FARP1: variants seen among roughly 807,000 people sequenced by gnomAD.
FARP1 encodes the protein FERM, ARH/RhoGEF and pleckstrin domain protein 1, also known as FERM, ARHGEF and pleckstrin domain-containing protein 1.
FARP1 carries 52 observed loss-of-function variants against 128.8 expected under a neutral mutation model. The ratio of observed to expected loss-of-function variants is 0.40; its 90% confidence interval spans 0.32 to 0.51. The LOEUF (loss-of-function observed/expected upper bound fraction) is 0.51, where lower values mean the gene tolerates loss of function less well. FARP1 is among the 20% of genes least tolerant of loss of function. The pLI, the probability that FARP1 is intolerant of heterozygous loss-of-function variation, is 0.45. For synonymous variants in FARP1, 580 were observed against 551.8 expected (o/e 1.05, Z -0.72); for missense variants, 1,333 against 1,367.9 (o/e 0.97, Z 0.40).
At chr13:98,344,851 T>G (rs1322514026) in intron 3 of FARP1, among the ~76,000 whole-genome samples, 2 of 152,212 alleles carry the variant, frequency 1.3e-5, no homozygotes, top group Non-Finnish European at 2.9e-5. Context: ...TAGTTTGTAC[T>G]TCAAATCCAA....
At chr13:98,211,314 G>A (rs1341027318) in intron 1 of FARP1, among the ~76,000 whole-genome samples, 1 of 152,220 alleles carries the variant, frequency 6.6e-6, no homozygotes, top group Non-Finnish European at 1.5e-5. Flanking sequence ...GCAAGCATTA[G>A]ATTCTCATAG....
chr13:98,161,296 A>G (rs1367235756), intron 1 of FARP1, among the ~76,000 whole-genome samples: 2 of 149,768 alleles, frequency 1.3e-5, no homozygotes, highest in African/African-American at 4.9e-5. Context: ...GCTCACTGCA[A>G]CCTCCATCTC....
intron 15 of FARP1, 58 bp downstream of exon 15, chr13:98,410,881 C>T: frequency 1.2e-6 from 1 of 859,122 alleles, no homozygotes; most frequent in Admixed American, 2.1e-5. Context: ...AGCTAATACT[C>T]AGCTATACGG....
chr13:98,283,105 G>A (rs1464461851), intron 2 of FARP1, among the ~76,000 whole-genome samples: 2 of 152,236 alleles, frequency 1.3e-5, no homozygotes, highest in African/African-American at 2.4e-5. Context: ...GCACTTGAGC[G>A]AATTTGTCTA....
intron 6 of FARP1, among the ~76,000 whole-genome samples, chr13:98,379,657 G>T (rs1486885559): frequency 6.6e-6 from 1 of 152,088 alleles, no homozygotes; most frequent in Non-Finnish European, 1.5e-5. Context: ...GATATAAAAT[G>T]GTGTCGTATT....
intron 1 of FARP1, among the ~76,000 whole-genome samples, chr13:98,154,684 G>A (rs1876375184): frequency 6.6e-6 from 1 of 152,148 alleles, no homozygotes; most frequent in South Asian, 2.1e-4. Flanking sequence ...GAATATACAG[G>A]GATAATCATT....
Position 98,322,857 on chromosome 13 carries a change from C to CA in FARP1, c.172-20904dup, listed in dbSNP as rs1437107284. ...GTATATACCACGCATACATGCATGT[C>CA]AGCCACACACAGATGATTTGCCTAG... On this transcript the variant is annotated intron_variant, in intron 2 of 26. Coordinates refer to ENST00000319562, the MANE Select transcript of FARP1 (RefSeq NM_005766.4). Among the ~76,000 whole-genome samples, 3 of 152,340 alleles carry CA rather than the reference C, an allele frequency of 2.0e-5. No homozygotes were observed. The East Asian group carries it at 5.8e-4, about 29-fold the overall frequency.
chr13:98,247,152 GA>G (rs1386429232), intron 2 of FARP1, among the ~76,000 whole-genome samples: 1 of 152,228 alleles, frequency 6.6e-6, no homozygotes, highest in Non-Finnish European at 1.5e-5. Context: ...TGAGGCAGAA[GA>G]ATCACTGGAA....
chr13:98,178,576 C>T (rs1332044913), intron 1 of FARP1, among the ~76,000 whole-genome samples: 2 of 152,062 alleles, frequency 1.3e-5, no homozygotes, highest in Non-Finnish European at 2.9e-5. Flanking sequence ...TAAATGGATT[C>T]TAGTTCTTAT....
intron 2 of FARP1, among the ~76,000 whole-genome samples, chr13:98,312,472 G>A (rs140943784): frequency 6.6e-6 from 1 of 152,288 alleles, no homozygotes; most frequent in African/African-American, 2.4e-5. Flanking sequence ...TCATAGCTCA[G>A]TTTGCAAGGT....
At chr13:98,148,373 C>A (rs1323038321) in intron 1 of FARP1, among the ~76,000 whole-genome samples, 2 of 152,066 alleles carry the variant, frequency 1.3e-5, no homozygotes, top group Non-Finnish European at 2.9e-5. Flanking sequence ...AGTGAAACTC[C>A]GTTTCAAGAA....
intron 13 of FARP1, 139 bp downstream of exon 13, chr13:98,395,615 A>C: frequency 5.8e-6 from 6 of 1,032,726 alleles, no homozygotes; most frequent in Non-Finnish European, 8.3e-6. Context: ...TCCCAAACAA[A>C]TGACAATTAT....
rs764594031 is a variant in FARP1 at position 98,176,704 on chromosome 13, C to T, written c.-24+33212C>T. 6.2e-7 allele frequency: 1 copy of T among 1,614,198 alleles called. No homozygotes were observed. The highest frequency in any genetic ancestry group is 8.5e-7 in the Non-Finnish European group (1 of 1,180,030). On this transcript the variant is annotated intron_variant, in intron 1 of 26. Coordinates refer to ENST00000319562, the MANE Select transcript of FARP1 (RefSeq NM_005766.4). The surrounding 1 kb of genome is among the most constrained non-coding windows in gnomAD (Gnocchi z 6.2). ...AGTGGCGCGCAGATGCCCTGGCGCA[C>T]GTATGGGGCCCTTCCTCGCCATCCC... is the stretch of plus-strand genomic sequence containing the variant.
intron 2 of FARP1, among the ~76,000 whole-genome samples, chr13:98,292,788 C>T (rs1438516667): frequency 6.6e-6 from 1 of 152,094 alleles, no homozygotes; most frequent in Non-Finnish European, 1.5e-5. Context: ...TCTTGTTCTA[C>T]AGTGGCATGA....
intron 2 of FARP1, among the ~76,000 whole-genome samples, chr13:98,260,398 T>G (rs1216197990): frequency 5.3e-5 from 8 of 152,352 alleles, no homozygotes; most frequent in Middle Eastern, 3.4e-3. Context: ...TTCTTTGTTG[T>G]TCTTCAGTTT....
At chr13:98,410,159 G>A (rs1223569946) in intron 14 of FARP1, among the ~76,000 whole-genome samples, 2 of 152,226 alleles carry the variant, frequency 1.3e-5, no homozygotes, top group Non-Finnish European at 2.9e-5. Context: ...GACAACAGGC[G>A]ACCTCCTTGC....
At chr13:98,440,881 C>G in intron 24 of FARP1, 45 bp downstream of exon 24, 1 of 1,536,610 alleles carries the variant, frequency 6.5e-7, no homozygotes, top group African/African-American at 1.4e-5. Context: ...TGTGCTGGCC[C>G]AGGCAGAACC....
chr13:98,428,996 A>G (rs866589187), intron 17 of FARP1, among the ~76,000 whole-genome samples: 5 of 152,204 alleles, frequency 3.3e-5, no homozygotes, highest in African/African-American at 4.8e-5. Context: ...ACCAATGTCA[A>G]TTTCCTGGTG....
intron 1 of FARP1, among the ~76,000 whole-genome samples, chr13:98,157,711 T>C (rs1315911601): frequency 1.3e-5 from 2 of 152,182 alleles, no homozygotes; most frequent in East Asian, 1.9e-4. Flanking sequence ...CAGCTTATAA[T>C]TGGCAGAGCA....
Sources: allele counts gnomAD v4.1 joint callset (sites outside exome capture counted in the v4.1 genomes callset), GRCh38; gene constraint gnomAD v4.1.1; non-coding constraint Gnocchi (gnomAD v3.1); transcripts MANE v1.5; gene names NCBI Gene and HGNC (gene_info 2026-07-23, HGNC 2026-07-21).